Variants in MARCHF1 observed in about 807,000 individuals in gnomAD.
MARCHF1 encodes membrane associated ring-CH-type finger 1, also known as E3 ubiquitin-protein ligase MARCHF1.
Under a neutral mutation model 54.2 loss-of-function variants are expected in MARCHF1, and 40 were observed. The ratio of observed to expected loss-of-function variants is 0.74; its 90% CI spans 0.57 to 0.96. The LOEUF is 0.96. MARCHF1 is among the 40% of genes least tolerant of loss of function. The pLI is 0.00. For missense variants in MARCHF1, 586 were observed against 656.5 expected (o/e 0.89, Z 1.17); for synonymous variants, 236 against 236.3 (o/e 1.00, Z 0.01).
intron 7 of MARCHF1, among the ~76,000 whole-genome samples, chr4:163,590,373 C>CAA (rs891675700): frequency 2.6e-5 from 4 of 151,842 alleles, no homozygotes; most frequent in Admixed American, 2.0e-4. Context: ...TTGCTATATG[C>CAA]AAAGAAAATC....
chr4:164,012,163 G>C (rs1175969215), intron 2 of MARCHF1, among the ~76,000 whole-genome samples: 1 of 152,170 alleles, frequency 6.6e-6, no homozygotes, highest in Non-Finnish European at 1.5e-5. Context: ...CACAGTCCTA[G>C]GGCAAGTCCT....
intron 2 of MARCHF1, among the ~76,000 whole-genome samples, chr4:164,046,273 A>G (rs1375352428): frequency 6.6e-6 from 1 of 152,200 alleles, no homozygotes; most frequent in Admixed American, 6.5e-5. Flanking sequence ...CACTATTTCT[A>G]TCTTCCAAGT....
chr4:164,045,680 T>TA (rs10559720), intron 2 of MARCHF1, among the ~76,000 whole-genome samples: 154 of 143,034 alleles, frequency 1.1e-3, no homozygotes, highest in East Asian at 2.8e-3. Flanking sequence ...TCTGGCTTAG[T>TA]AAAAAAAAAA....
intron 1 of MARCHF1, among the ~76,000 whole-genome samples, chr4:164,284,672 T>A (rs756965587): frequency 6.6e-6 from 1 of 150,936 alleles, no homozygotes; most frequent in Non-Finnish European, 1.5e-5. Flanking sequence ...TCTAGTCTCT[T>A]CCCCTCACAG....
intron 5 of MARCHF1, among the ~76,000 whole-genome samples, chr4:163,697,570 T>A (rs1744675264): frequency 6.6e-6 from 1 of 152,142 alleles, no homozygotes; most frequent in South Asian, 2.1e-4. Context: ...AAAGTCTGAT[T>A]CATTAAAGAA....
At chr4:164,236,773 A>G (rs1157157851) in intron 1 of MARCHF1, among the ~76,000 whole-genome samples, 1 of 152,178 alleles carries the variant, frequency 6.6e-6, no homozygotes, top group Non-Finnish European at 1.5e-5. Context: ...CTGATTATTT[A>G]TAACCCAAAT....
At chr4:164,317,258 C>T (rs577743108) in intron 1 of MARCHF1, among the ~76,000 whole-genome samples, 93 of 152,262 alleles carry the variant, frequency 6.1e-4, no homozygotes, top group Non-Finnish European at 8.4e-4. Context: ...ACTTAGAGTA[C>T]GTGTCAGTTA....
chr4:164,248,208 C>G (rs550416026), intron 1 of MARCHF1, among the ~76,000 whole-genome samples: 9 of 152,026 alleles, frequency 5.9e-5, no homozygotes, highest in African/African-American at 2.2e-4. Context: ...TATTTAGTGA[C>G]CAATATTCTC....
intron 1 of MARCHF1, among the ~76,000 whole-genome samples, chr4:164,218,795 C>T (rs1025984368): frequency 1.7e-4 from 25 of 148,488 alleles, no homozygotes; most frequent in African/African-American, 6.2e-4. Flanking sequence ...GACATGTATA[C>T]ATATGTAACA....
intron 1 of MARCHF1, chr4:164,189,873 T>C (rs1205330877): frequency 3.2e-6 from 5 of 1,585,888 alleles, no homozygotes; most frequent in Non-Finnish European, 4.3e-6. Context: ...TGAAGTCACC[T>C]TTGAGATAGA....
At chr4:164,040,305 T>C (rs1021555612) in intron 2 of MARCHF1, among the ~76,000 whole-genome samples, 2 of 121,026 alleles carry the variant, frequency 1.7e-5, no homozygotes, top group African/African-American at 3.3e-5. Context: ...TATAAGTACA[T>C]ATACTTATAA....
intron 3 of MARCHF1, among the ~76,000 whole-genome samples, chr4:163,871,007 G>A (rs1750157361): frequency 6.6e-6 from 1 of 152,098 alleles, no homozygotes; most frequent in Admixed American, 6.5e-5. Flanking sequence ...CCAACAGCAA[G>A]AAATGATAAA....
In MARCHF1 at chr4:163,525,686, A is replaced by G. The variant is rs1000155590; in HGVS notation, c.*3062T>C. ...AGCCAAGGTTTTTAACACAACTGTA[A>G]TTTCATTCTTCAATTTTAGTCCTTT... is the stretch of plus-strand genomic sequence containing the variant. On this transcript the variant is annotated 3_prime_UTR_variant, in exon 10 of 10. Transcript: ENST00000514618. 3 of 152,008 alleles carry G rather than the reference A, an allele frequency of 2.0e-5. No homozygotes were observed. Among genetic ancestry groups the G allele is most frequent in the Admixed American group, 6.6e-5 (1 of 15,224 alleles). 9.4% of individuals were successfully genotyped at this position (152,008 alleles called of 1,614,324 possible). A position where few individuals can be genotyped will look rare whatever the true frequency, so the allele number is the denominator to read the frequency against.
At position 163,868,767 on chromosome 4, in the gene MARCHF1, T is replaced by TA. The variant is rs146541576; in HGVS notation, c.-38-14599dup. Among the ~76,000 whole-genome samples the TA allele has an allele frequency of 4.0e-3, 603 of 151,344 alleles. 6 individuals carry two copies. Among genetic ancestry groups the TA allele is most frequent in the African/African-American group, 0.013 (555 of 41,330 alleles). On this transcript the variant is annotated intron_variant, in intron 3 of 9. Coordinates refer to ENST00000514618, the MANE Select transcript of MARCHF1 (RefSeq NM_001394959.1). ...GGAGACAAAAGTTGAACTGGTGATT[T>TA]AAAAAAAAATGTTTTTTGACACGAT... is the stretch of plus-strand genomic sequence containing the variant.
chr4:163,956,847 C>T lies in MARCHF1; in HGVS notation c.-39+31654G>A, dbSNP rs73868964. Among the ~76,000 whole-genome samples, 719 of 151,946 alleles carry T rather than the reference C, an allele frequency of 4.7e-3. 4 individuals are homozygous for T. The highest frequency in any genetic ancestry group is 0.017 in the African/African-American group (693 of 41,466). On this transcript the variant is annotated intron_variant, in intron 3 of 9. Transcript: ENST00000514618. The stretch of plus-strand genomic sequence containing the variant: ...GTGTTTTCATCAAAAGACTACAAAG[C>T]GAAACTTACTGTGATAGTTATACAT...
chr4:163,761,183 C>A (rs572082230), intron 4 of MARCHF1, among the ~76,000 whole-genome samples: 2 of 152,098 alleles, frequency 1.3e-5, no homozygotes, highest in Non-Finnish European at 2.9e-5. Context: ...TTAAGAACTG[C>A]TAGAATATAT....
At chr4:164,136,346 T>C (rs1170096057) in intron 1 of MARCHF1, among the ~76,000 whole-genome samples, 1 of 150,672 alleles carries the variant, frequency 6.6e-6, no homozygotes. Context: ...ACTTGCATCA[T>C]CCTTCCTGCA....
At chr4:163,608,678 T>A (rs532726851) in intron 7 of MARCHF1, among the ~76,000 whole-genome samples, 5 of 152,060 alleles carry the variant, frequency 3.3e-5, no homozygotes, top group Non-Finnish European at 1.5e-5. Flanking sequence ...AGAGATACTT[T>A]CTCTGAAAAA....
At chr4:163,936,506 A>G (rs1235566169) in intron 3 of MARCHF1, among the ~76,000 whole-genome samples, 1 of 152,208 alleles carries the variant, frequency 6.6e-6, no homozygotes, top group African/African-American at 2.4e-5. Flanking sequence ...TGAGAAATTC[A>G]GAGAGGAGCA....
Sources: gnomAD v4.1 joint callset for allele counts (sites outside exome capture counted in the v4.1 genomes callset) on GRCh38, gnomAD v4.1.1 for gene constraint, MANE v1.5 for transcripts, NCBI Gene and HGNC (gene_info 2026-07-23, HGNC 2026-07-21) for gene names.